MAP3K4: variants seen among roughly 807,000 people sequenced by gnomAD.
MAP3K4 encodes mitogen-activated protein kinase kinase kinase 4.
MAP3K4 carries 67 observed loss-of-function variants against 185.6 expected under a neutral mutation model. That is an observed-to-expected ratio of 0.36 (90% CI 0.30 to 0.44). The LOEUF (loss-of-function observed/expected upper bound fraction) is 0.44, where lower values mean the gene tolerates loss of function less well. Ranked by LOEUF, MAP3K4 falls within the 20% of genes least tolerant of loss-of-function variation. The pLI is 1.00. For missense variants in MAP3K4, 1,551 were observed against 1,995.1 expected, an observed-to-expected ratio of 0.78 and a Z score of 4.24; for synonymous variants, 702 against 710.4, an observed-to-expected ratio of 0.99 and a Z score of 0.19.
intron 3 of MAP3K4, among the ~76,000 whole-genome samples, chr6:161,050,689 G>A (rs1466209643): frequency 6.6e-6 from 1 of 152,178 alleles, no homozygotes; most frequent in East Asian, 1.9e-4. Context: ...TTATTGTAAA[G>A]GGTGGTAATA....
At chr6:161,020,966 C>T (rs931631103) in intron 1 of MAP3K4, among the ~76,000 whole-genome samples, 1 of 152,180 alleles carries the variant, frequency 6.6e-6, no homozygotes, top group African/African-American at 2.4e-5. Context: ...CAATTACGTT[C>T]TCCTTAGTGA....
Position 161,084,252 on chromosome 6 carries a change from G to T in MAP3K4, c.2256-249G>T, listed in dbSNP as rs967070965. 6.6e-6 allele frequency among the ~76,000 whole-genome samples: 1 copy of T among 152,166 alleles called. No individual in the cohort carries two copies. Among genetic ancestry groups the T allele is most frequent in the Non-Finnish European group, 1.5e-5 (1 of 68,038 alleles). ...TGTGTACTAATTCCATAGCTACTAT[G>T]AATACAGTTTAAGATTTTAAGGTTT... On this transcript the variant is annotated intron_variant, in intron 6 of 26. Coordinates refer to ENST00000392142, the MANE Select transcript of MAP3K4 (RefSeq NM_005922.4). This position sits in a 1 kb window ranked among gnomAD's most constrained non-coding sequence, Gnocchi z 4.6.
chr6:161,059,946 CAT>C (rs1312247547), intron 3 of MAP3K4, among the ~76,000 whole-genome samples: 1 of 151,694 alleles, frequency 6.6e-6, no homozygotes, highest in East Asian at 1.9e-4. Flanking sequence ...AGTTGCCCCA[CAT>C]GTTTCTATTT....
At chr6:161,085,808 G>A (rs910981267) in intron 7 of MAP3K4, among the ~76,000 whole-genome samples, 8 of 152,152 alleles carry the variant, frequency 5.3e-5, no homozygotes, top group South Asian at 2.1e-4. Flanking sequence ...ACTAGAGAGC[G>A]GTTCCAGTTC....
At chr6:160,998,160 C>T (rs1160262361) in intron 1 of MAP3K4, among the ~76,000 whole-genome samples, 1 of 152,174 alleles carries the variant, frequency 6.6e-6, no homozygotes, top group Non-Finnish European at 1.5e-5. Flanking sequence ...GTGCGCACCA[C>T]CACACTGTCA....
chr6:161,076,176 C>T lies in MAP3K4; in HGVS notation c.2097+2564C>T, dbSNP rs1785167517. On this transcript the variant is annotated intron_variant, in intron 5 of 26. Transcript: ENST00000392142. This position sits in a 1 kb window ranked among gnomAD's most constrained non-coding sequence, Gnocchi z 4.2. ...GCTCTAAATACGTGTCCGCCTTAGG[C>T]CCAGAAGGCCCACCCAGAGATTAAC... 6.6e-6 allele frequency among the ~76,000 whole-genome samples: 1 copy of T among 152,192 alleles called. No individual in the cohort carries two copies. Among genetic ancestry groups the T allele is most frequent in the Admixed American group, 6.5e-5 (1 of 15,286 alleles).
chr6:161,111,039 A>G (rs1316884236), intron 23 of MAP3K4, among the ~76,000 whole-genome samples: 1 of 152,226 alleles, frequency 6.6e-6, no homozygotes, highest in African/African-American at 2.4e-5. Context: ...CTAAGAAGGT[A>G]CAGATGTACA....
chr6:161,086,394 G>A lies in MAP3K4; in HGVS notation c.2388G>A (p.Glu796=), dbSNP rs567053708. 7 of 1,613,114 alleles carry A rather than the reference G, an allele frequency of 4.3e-6. No homozygotes were observed. Among genetic ancestry groups the A allele is most frequent in the African/African-American group, 1.3e-5 (1 of 75,024 alleles). ...ASDEIRRSVI[E]ISRALKELFH... Reference sequence around the variant, plus strand: ...CACTTGGCAGGAGGTCTGTTATAGAGATCAGTCGAGCCCTGAAGGAGCTCT... The same window carrying A: ...CACTTGGCAGGAGGTCTGTTATAGAAATCAGTCGAGCCCTGAAGGAGCTCT... The change falls in exon 8 of 27, where the codon GAG becomes GAA. Residue 796 remains glutamate (E), a synonymous_variant. Transcript: ENST00000392142. The surrounding 1 kb of genome is among the most constrained non-coding windows in gnomAD (Gnocchi z 4.8).
chr6:161,054,216 G>A lies in MAP3K4; in HGVS notation c.1707+4237G>A, dbSNP rs149046684. Among the ~76,000 whole-genome samples the A allele has an allele frequency of 0.021, 3,255 of 152,072 alleles. 132 individuals are homozygous for A. The highest frequency in any genetic ancestry group is 0.074 in the African/African-American group (3,083 of 41,472). ...GTTGCCCAGGCTGGAGTGCAATGGC[G>A]CTATCTCAGCTCCCTGAGACCTTTG... On this transcript the variant is annotated intron_variant, in intron 3 of 26. Transcript: ENST00000392142. The surrounding 1 kb of genome is among the most constrained non-coding windows in gnomAD (Gnocchi z 4.2).
At chr6:161,036,637 G>A (rs1783177797) in intron 2 of MAP3K4, among the ~76,000 whole-genome samples, 1 of 152,126 alleles carries the variant, frequency 6.6e-6, no homozygotes, top group Non-Finnish European at 1.5e-5. Context: ...ATTTGTAGCA[G>A]CATCTTCACA....
chr6:161,051,392 C>T lies in MAP3K4; in HGVS notation c.1707+1413C>T, dbSNP rs182598181. On this transcript the variant is annotated intron_variant, in intron 3 of 26. Transcript: ENST00000392142. This position sits in a 1 kb window ranked among gnomAD's most constrained non-coding sequence, Gnocchi z 4.2. ...CCGGATTATGAGCCCTTAGGAGGAA[C>T]GGGTTAAGCATTCACATAAATTCAG... Among the ~76,000 whole-genome samples the T allele has an allele frequency of 2.2e-4, 34 of 152,230 alleles. No homozygotes were observed. Among genetic ancestry groups the T allele is most frequent in the African/African-American group, 2.9e-4 (12 of 41,548 alleles).
At chr6:161,025,005 A>G (rs892538208) in intron 1 of MAP3K4, among the ~76,000 whole-genome samples, 1 of 150,112 alleles carries the variant, frequency 6.7e-6, no homozygotes, top group African/African-American at 2.5e-5. Flanking sequence ...CCAGCCATCC[A>G]TCCATCCATC....
chr6:161,014,711 A>G (rs968636375), intron 1 of MAP3K4, among the ~76,000 whole-genome samples: 7 of 152,162 alleles, frequency 4.6e-5, no homozygotes, highest in Non-Finnish European at 8.8e-5. Context: ...GAGAACTATA[A>G]CAGTAGGGCT....
At position 161,081,029 on chromosome 6, in the gene MAP3K4, A is replaced by G. The variant is rs1210350266; in HGVS notation, c.2246A>G (p.Lys749Arg). 6.2e-7 allele frequency: 1 copy of G among 1,613,816 alleles called. No individual in the cohort carries two copies. The change falls in exon 6 of 27, where the codon AAG (lysine) becomes AGG (arginine). Residue 749 changes from lysine to arginine, a missense_variant. This residue lies in a region of MAP3K4 where 130 missense variants were observed against 171.3 expected (regional missense o/e 0.76). Coordinates refer to ENST00000392142, the MANE Select transcript of MAP3K4 (RefSeq NM_005922.4). ...CGGGGAGGAGAAGCACAGGCCGGGAAGCTTTTCTGGTAGGAATCCTTGTGC... is the reference window on the plus strand; with the variant it reads ...CGGGGAGGAGAAGCACAGGCCGGGAGGCTTTTCTGGTAGGAATCCTTGTGC... ...YIRGGEAQAG[K>R]LFCDIAGMLL...
intron 11 of MAP3K4, 99 bp downstream of exon 11, chr6:161,089,570 C>G (rs1421238457): frequency 1.5e-6 from 2 of 1,316,308 alleles, no homozygotes; most frequent in Middle Eastern, 1.9e-4. Context: ...GGAACTTGAG[C>G]TCCTGAATTG....
rs538213776 is a variant in MAP3K4, at chr6:161,075,326, T to A, written c.2097+1714T>A. ...TGTGCCACCACACCTGGCTAATTTT[T>A]AAAAATTTTTTTGTAGAGTCAGGGT... On this transcript the variant is annotated intron_variant, in intron 5 of 26. Coordinates refer to ENST00000392142, the MANE Select transcript of MAP3K4 (RefSeq NM_005922.4). This position sits in a 1 kb window ranked among gnomAD's most constrained non-coding sequence, Gnocchi z 4.3. Among the ~76,000 whole-genome samples, 13 of 152,224 alleles carry A rather than the reference T, an allele frequency of 8.5e-5. No individual in the cohort carries two copies. The highest frequency in any genetic ancestry group is 2.9e-4 in the African/African-American group (12 of 41,534).
At chr6:161,000,513 A>G (rs530618858) in intron 1 of MAP3K4, among the ~76,000 whole-genome samples, 2 of 152,370 alleles carry the variant, frequency 1.3e-5, no homozygotes, top group African/African-American at 4.8e-5. Flanking sequence ...CTTAAACTAC[A>G]AGAATTGTAA....
chr6:161,018,225 A>G (rs1004973657), intron 1 of MAP3K4, among the ~76,000 whole-genome samples: 1 of 152,198 alleles, frequency 6.6e-6, no homozygotes, highest in Non-Finnish European at 1.5e-5. Flanking sequence ...CTGGAGAGGA[A>G]GGAGTGATCT....
rs1247458070 is a variant in MAP3K4, at chr6:161,075,190, T to A, written c.2097+1578T>A. Among the ~76,000 whole-genome samples, 1 of 152,266 alleles carries A rather than the reference T, an allele frequency of 6.6e-6. No homozygotes were observed. The highest frequency in any genetic ancestry group is 2.4e-5 in the African/African-American group (1 of 41,472). On this transcript the variant is annotated intron_variant, in intron 5 of 26. Coordinates refer to ENST00000392142, the MANE Select transcript of MAP3K4 (RefSeq NM_005922.4). This position sits in a 1 kb window ranked among gnomAD's most constrained non-coding sequence, Gnocchi z 4.3. Reference sequence around the variant, plus strand: ...TCTTTTTTGAGATAGAGTTTTGCTCTGTCACCTAGACTGAAACGCAGTGGT... The same window carrying A: ...TCTTTTTTGAGATAGAGTTTTGCTCAGTCACCTAGACTGAAACGCAGTGGT...
Sources: allele counts gnomAD v4.1 joint callset (sites outside exome capture counted in the v4.1 genomes callset), GRCh38; gene constraint gnomAD v4.1.1; regional missense constraint gnomAD v4.1.1; non-coding constraint Gnocchi (gnomAD v3.1); transcripts MANE v1.5; gene names NCBI Gene and HGNC (gene_info 2026-07-23, HGNC 2026-07-21).